Variants in PDE10A observed in about 807,000 individuals in gnomAD.
The protein encoded by PDE10A is phosphodiesterase 10A.
In PDE10A, 39 loss-of-function variants were observed where a neutral mutation model predicts 97.7. The ratio of observed to expected loss-of-function variants is 0.40; its 90% CI spans 0.31 to 0.52. The LOEUF (loss-of-function observed/expected upper bound fraction) is 0.52. PDE10A is among the 20% of genes least tolerant of loss of function. The pLI, the probability that PDE10A is intolerant of heterozygous loss-of-function variation, is 0.56. For missense variants in PDE10A, 731 were observed against 1,047.8 expected, an observed-to-expected ratio of 0.70 and a Z score of 4.17; for synonymous variants, 371 against 376.8, an observed-to-expected ratio of 0.98 and a Z score of 0.18.
chr6:165,901,086 C>T (rs1782092077), intron 1 of PDE10A, among the ~76,000 whole-genome samples: 2 of 152,168 alleles, frequency 1.3e-5, no homozygotes, highest in African/African-American at 4.8e-5. Context: ...CACGTGGACT[C>T]ATCCACCGAA....
intron 1 of PDE10A, among the ~76,000 whole-genome samples, chr6:165,613,806 A>C (rs1043642045): frequency 5.3e-5 from 8 of 152,032 alleles, no homozygotes; most frequent in Non-Finnish European, 1.0e-4. Context: ...TTCCCTCTCC[A>C]CCTTCAGACT....
chr6:165,608,605 A>G (rs558562870), intron 1 of PDE10A, among the ~76,000 whole-genome samples: 2 of 152,222 alleles, frequency 1.3e-5, no homozygotes, highest in Admixed American at 6.5e-5. Context: ...AGCATGATTT[A>G]TAATCCTTTG....
At chr6:165,958,735 G>GAAAA (rs1784262302) in intron 1 of PDE10A, among the ~76,000 whole-genome samples, 1 of 13,668 alleles carries the variant, frequency 7.3e-5, no homozygotes, top group Non-Finnish European at 1.3e-4. Context: ...AAGAAAGAAA[G>GAAAA]AAAGAAAGAA....
At chr6:165,786,383 G>A (rs1778493521) in intron 1 of PDE10A, among the ~76,000 whole-genome samples, 1 of 152,206 alleles carries the variant, frequency 6.6e-6, no homozygotes, top group African/African-American at 2.4e-5. Flanking sequence ...AATTCAGTTT[G>A]TGGACACACC....
chr6:165,924,421 G>C (rs1456248443), intron 1 of PDE10A, among the ~76,000 whole-genome samples: 1 of 151,824 alleles, frequency 6.6e-6, no homozygotes, highest in Admixed American at 6.6e-5. Flanking sequence ...TTCCATGTTG[G>C]ATAGAACATC....
At position 165,857,420 on chromosome 6, in the gene PDE10A, T is replaced by C. The variant is rs116126884; in HGVS notation, c.-615+130109A>G. Among the ~76,000 whole-genome samples the C allele has an allele frequency of 4.0e-3, 607 of 152,346 alleles. 9 individuals carry two copies. The highest frequency in any genetic ancestry group is 0.014 in the African/African-American group (583 of 41,560). On this transcript the variant is annotated intron_variant, in intron 1 of 19. Transcript: ENST00000366882. ...TTCTGTGGGGTCAGAGAGAGGAGAA[T>C]ACCTCTTATAAGGTCTTGCACAACA...
chr6:165,805,847 G>T (rs547826836), intron 1 of PDE10A, among the ~76,000 whole-genome samples: 1 of 151,700 alleles, frequency 6.6e-6, no homozygotes, highest in Non-Finnish European at 1.5e-5. Context: ...GATCTGGGTG[G>T]TTGCTCTGGC....
chr6:165,385,505 C>CCTCACT (rs1411053194), intron 17 of PDE10A, among the ~76,000 whole-genome samples: 1 of 152,198 alleles, frequency 6.6e-6, no homozygotes, highest in East Asian at 1.9e-4. Flanking sequence ...CTCAGGCCTT[C>CCTCACT]CTCACTCTGA....
intron 1 of PDE10A, among the ~76,000 whole-genome samples, chr6:165,773,797 C>G (rs529394129): frequency 3.3e-5 from 5 of 152,164 alleles, no homozygotes; most frequent in East Asian, 1.9e-4. Context: ...AGTAAACAGA[C>G]AGAAAAACTG....
chr6:165,916,798 T>C (rs1472354916), intron 1 of PDE10A, among the ~76,000 whole-genome samples: 2 of 152,214 alleles, frequency 1.3e-5, no homozygotes, highest in East Asian at 1.9e-4. Flanking sequence ...TGGTCACATT[T>C]GCTCTGTGGG....
At chr6:165,348,617 CCTCT>C (rs770566674) in intron 18 of PDE10A, among the ~76,000 whole-genome samples, 5 of 151,960 alleles carry the variant, frequency 3.3e-5, no homozygotes, top group Non-Finnish European at 7.4e-5. Flanking sequence ...CATTACGTTT[CCTCT>C]CTCTCTCTTT....
intron 1 of PDE10A, among the ~76,000 whole-genome samples, chr6:165,721,805 A>T (rs555494143): frequency 6.6e-6 from 1 of 152,220 alleles, no homozygotes; most frequent in Admixed American, 6.5e-5. Context: ...GATGTTTTAA[A>T]TGACATAAAA....
intron 1 of PDE10A, among the ~76,000 whole-genome samples, chr6:165,862,673 G>A (rs966746528): frequency 6.4e-5 from 6 of 93,822 alleles, no homozygotes; most frequent in South Asian, 5.5e-4. Context: ...AGAAGCAGTC[G>A]TCCTTTTTTT....
intron 1 of PDE10A, among the ~76,000 whole-genome samples, chr6:165,618,125 T>C (rs1053235089): frequency 6.6e-6 from 1 of 152,222 alleles, no homozygotes; most frequent in African/African-American, 2.4e-5. Flanking sequence ...ACGAAATCTA[T>C]ATGTATTCAA....
chr6:165,794,073 C>T (rs372700018), intron 1 of PDE10A, among the ~76,000 whole-genome samples: 97 of 152,202 alleles, frequency 6.4e-4, no homozygotes, highest in South Asian at 1.0e-3. Context: ...CTGCATGCTC[C>T]AGCCTCCTGT....
intron 5 of PDE10A, among the ~76,000 whole-genome samples, chr6:165,448,645 T>C (rs1193631941): frequency 6.6e-6 from 1 of 151,986 alleles, no homozygotes; most frequent in Non-Finnish European, 1.5e-5. Flanking sequence ...ATACCTTTTG[T>C]ACACAACACT....
intron 13 of PDE10A, 97 bp from the exon 14 acceptor site, chr6:165,396,556 C>A: frequency 1.6e-6 from 2 of 1,244,822 alleles, no homozygotes; most frequent in Non-Finnish European, 2.2e-6. Context: ...AGAATCAGAA[C>A]TAGAATTAAA....
intron 1 of PDE10A, among the ~76,000 whole-genome samples, chr6:165,729,658 G>A (rs2128450639): frequency 6.6e-6 from 1 of 152,268 alleles, no homozygotes; most frequent in East Asian, 1.9e-4. Flanking sequence ...CCATATGCTT[G>A]GGGAGGCCCA....
At chr6:165,555,393 A>C (rs1346968386) in intron 1 of PDE10A, among the ~76,000 whole-genome samples, 1 of 152,196 alleles carries the variant, frequency 6.6e-6, no homozygotes, top group Non-Finnish European at 1.5e-5. Flanking sequence ...GATGGGCCCC[A>C]AAACAGTACC....
Sources: allele counts gnomAD v4.1 joint callset (sites outside exome capture counted in the v4.1 genomes callset), GRCh38; gene constraint gnomAD v4.1.1; transcripts MANE v1.5; gene names NCBI Gene and HGNC (gene_info 2026-07-23, HGNC 2026-07-21).